Variants in CCDC32 observed in about 807,000 individuals in gnomAD.
CCDC32 encodes the protein coiled-coil domain-containing protein 32.
A neutral mutation model predicts 20.1 loss-of-function variants in CCDC32; 9 were observed. That is an observed-to-expected ratio of 0.45 (90% CI 0.27 to 0.78). CCDC32 has a LOEUF of 0.78. Ranked by LOEUF, CCDC32 falls within the 30% of genes least tolerant of loss-of-function variation. CCDC32 has a pLI of 0.16. For synonymous variants in CCDC32, 63 were observed against 79.0 expected (o/e 0.80, Z 1.07); for missense variants, 204 against 215.5 (o/e 0.95, Z 0.33).
At chr15:40,536,809 C>T (rs1011181625), downstream of CCDC32, 2 of 152,290 alleles carry the variant, frequency 1.3e-5, no homozygotes, top group African/African-American at 4.8e-5. Context: ...ACACACTCTC[C>T]AGTGGAGAAG....
chr15:40,539,839 G>A (rs1048298789), intron 3 of CCDC32, among the ~76,000 whole-genome samples: 9 of 38,046 alleles, frequency 2.4e-4, no homozygotes, highest in Non-Finnish European at 5.2e-4. Context: ...TCAAACTGTT[G>A]CCACACACAC....
chr15:40,540,649 G>A (rs570233566), intron 3 of CCDC32, among the ~76,000 whole-genome samples: 1 of 152,214 alleles, frequency 6.6e-6, no homozygotes, highest in South Asian at 2.1e-4. Flanking sequence ...GATTACAGGT[G>A]TGAGCCACTG....
chr15:40,529,133 C>T (rs915334818), intron 3 of CCDC32, among the ~76,000 whole-genome samples: 2 of 152,172 alleles, frequency 1.3e-5, no homozygotes, highest in Admixed American at 1.3e-4. Flanking sequence ...CATCTCAGCC[C>T]CTTTTCCCAC....
chr15:40,540,179 G>A (rs78216404), intron 3 of CCDC32, among the ~76,000 whole-genome samples: 3,245 of 152,130 alleles, frequency 0.021, 53 homozygotes, highest in South Asian at 0.04. Flanking sequence ...TCTGACTAGG[G>A]CAATCCAGAG....
At chr15:40,532,723 T>TC, downstream of CCDC32, among the ~76,000 whole-genome samples, 1 of 141,614 alleles carries the variant, frequency 7.1e-6, no homozygotes, top group African/African-American at 2.6e-5. Flanking sequence ...TCTTTTTTTT[T>TC]TTTTTTTTTT....
At chr15:40,550,023 C>T (rs939996293), downstream of CCDC32, among the ~76,000 whole-genome samples, 16 of 152,296 alleles carry the variant, frequency 1.1e-4, no homozygotes, top group African/African-American at 3.6e-4. Context: ...CAGCCAGGGC[C>T]TATTTCTGGA....
At chr15:40,539,874 A>ACACACACACT (rs1889309729) in intron 3 of CCDC32, among the ~76,000 whole-genome samples, 1 of 151,232 alleles carries the variant, frequency 6.6e-6, no homozygotes, top group African/African-American at 2.4e-5. Context: ...ACACACACAC[A>ACACACACACT]CACACACCCC....
chr15:40,564,694 T>A, intron 1 of CCDC32: 1 of 1,607,500 alleles, frequency 6.2e-7, no homozygotes, highest in East Asian at 2.2e-5. Flanking sequence ...CTGGGTGAAC[T>A]GATGTCTAGC....
intron 3 of CCDC32, among the ~76,000 whole-genome samples, chr15:40,554,691 A>G (rs1423456000): frequency 6.6e-6 from 1 of 152,086 alleles, no homozygotes; most frequent in Admixed American, 6.6e-5. Context: ...AATATTCCCC[A>G]CAAGAGAATG....
intron 3 of CCDC32, among the ~76,000 whole-genome samples, chr15:40,542,027 A>T (rs1013206787): frequency 2.0e-5 from 3 of 152,218 alleles, no homozygotes; most frequent in Non-Finnish European, 2.9e-5. Context: ...GCAAGCCCCC[A>T]TAGGTCTCCA....
In CCDC32 at chr15:40,556,134, C is replaced by T. The variant is rs555879768; in HGVS notation, c.401+1082G>A. 3.3e-5 allele frequency among the ~76,000 whole-genome samples: 5 copies of T among 152,312 alleles called. No homozygotes were observed. The East Asian group carries it at 7.7e-4, about 23-fold the overall frequency. ...ACATACAACCAGTAAGTGGCAGAGCCGATTTCCTGAGTGTCGAGCCCCATT... is the reference window on the plus strand; with the variant it reads ...ACATACAACCAGTAAGTGGCAGAGCTGATTTCCTGAGTGTCGAGCCCCATT... On this transcript the variant is annotated intron_variant, in intron 3 of 3. Coordinates refer to ENST00000416810, the MANE Select transcript of CCDC32 (RefSeq NM_001080792.4).
exon 4 of CCDC32, chr15:40,528,760 G>A (rs1004895050): frequency 1.4e-6 from 1 of 701,720 alleles, no homozygotes; most frequent in South Asian, 1.5e-5. Context: ...CCTGCCCAAA[G>A]CCCTTAGCAC....
At chr15:40,540,474 TCTC>T (rs1192892101) in intron 3 of CCDC32, among the ~76,000 whole-genome samples, 3 of 151,798 alleles carry the variant, frequency 2.0e-5, no homozygotes, top group Admixed American at 6.6e-5. Context: ...TTCAAGCTAT[TCTC>T]CTTCTTCAGC....
chr15:40,539,483 G>T, intron 3 of CCDC32: 1 of 781,106 alleles, frequency 1.3e-6, no homozygotes, highest in Non-Finnish European at 2.1e-6. Context: ...GCGAGGAAGT[G>T]AGGTGTCGAC....
intron 3 of CCDC32, chr15:40,529,678 T>G (rs917727001): frequency 3.3e-5 from 5 of 150,702 alleles, no homozygotes; most frequent in Middle Eastern, 3.4e-3. Flanking sequence ...TTTTTTTTTT[T>G]TGAGACGGAG....
downstream of CCDC32, among the ~76,000 whole-genome samples, chr15:40,552,325 T>A (rs1426040360): frequency 3.3e-5 from 5 of 150,860 alleles, no homozygotes; most frequent in Admixed American, 3.3e-4. Context: ...CTAAAAAAAA[T>A]ACAAAATTAG....
At chr15:40,544,532 A>G (rs1305473146) in intron 3 of CCDC32, among the ~76,000 whole-genome samples, 1 of 152,120 alleles carries the variant, frequency 6.6e-6, no homozygotes, top group Non-Finnish European at 1.5e-5. Flanking sequence ...GGCATCTATT[A>G]TATGGGGTTG....
At position 40,562,788 on chromosome 15, in the gene CCDC32, C is replaced by T. The variant is rs751276544; in HGVS notation, c.228G>A (p.Val76=). ...KPWAPLQDSE[V]YLASLEKKLR... is the part of the protein sequence containing the mutation. Reference sequence around the variant, plus strand: ...CAAACTTACCTAGAGATGCTAAATACACTTCTGAATCCTGCAAGGGAGCCC... The same window carrying T: ...CAAACTTACCTAGAGATGCTAAATATACTTCTGAATCCTGCAAGGGAGCCC... Residue 76 remains valine, a synonymous_variant, in exon 2 of 4, where the codon GTG becomes GTA. Coordinates refer to ENST00000416810, the MANE Select transcript of CCDC32 (RefSeq NM_001080792.4). The T allele has an allele frequency of 2.0e-5, 32 of 1,613,840 alleles. No homozygotes were observed. The Admixed American group carries it at 5.3e-4, about 27-fold the overall frequency.
rs865841384 is a variant in CCDC32 at position 40,557,092 on chromosome 15, G to A, written c.401+124C>T. 16 of 1,071,444 alleles carry A rather than the reference G, an allele frequency of 1.5e-5. No individual in the cohort carries two copies. In the Admixed American group the frequency reaches 2.3e-4, roughly 16 times the overall value. The allele number at this position is 1,071,444 out of a possible 1,614,324, so 66.4% of individuals were successfully genotyped here. On this transcript the variant is annotated intron_variant, in intron 3 of 3. Coordinates refer to ENST00000416810, the MANE Select transcript of CCDC32 (RefSeq NM_001080792.4). ...ACTCTATTCAATCTGTGACCAACAC[G>A]TAGCTGCAGTATTTGCCTTTTGGCA...
Sources: allele counts gnomAD v4.1 joint callset (sites outside exome capture counted in the v4.1 genomes callset), GRCh38; gene constraint gnomAD v4.1.1; transcripts MANE v1.5; gene names NCBI Gene and HGNC (gene_info 2026-07-23, HGNC 2026-07-21).